RELN: variants seen among roughly 807,000 people sequenced by gnomAD.
RELN encodes the protein reelin.
RELN carries 108 observed loss-of-function variants against 427.6 expected under a neutral mutation model. The observed-to-expected ratio is 0.25, with a 90% CI of 0.22 to 0.30. The LOEUF is 0.30. Among genes scored for constraint, RELN ranks in the 10% least tolerant of loss-of-function variants. RELN has a pLI of 1.00. For missense variants in RELN, 3,715 were observed against 4,302.8 expected, an observed-to-expected ratio of 0.86 and a Z score of 3.82; for synonymous variants, 1,524 against 1,513.4, an observed-to-expected ratio of 1.01 and a Z score of -0.16.
Position 103,563,520 on chromosome 7 carries a change from A to T in RELN, c.5211-1567T>A, listed in dbSNP as rs954478299. Among the ~76,000 whole-genome samples the T allele has an allele frequency of 2.0e-5, 3 of 152,226 alleles. No homozygotes were observed. Among genetic ancestry groups the T allele is most frequent in the East Asian group, 1.9e-4 (1 of 5,206 alleles). On this transcript the variant is annotated intron_variant, in intron 34 of 64. Coordinates refer to ENST00000428762, the MANE Select transcript of RELN (RefSeq NM_005045.4). The surrounding 1 kb of genome is among the most constrained non-coding windows in gnomAD (Gnocchi z 4.1). ...GTTATCACAAGAGTCCAAAAGTTTTAAAAAAAGTTTATATAATGGAAAAGT... is the reference window on the plus strand; with the variant it reads ...GTTATCACAAGAGTCCAAAAGTTTTTAAAAAAGTTTATATAATGGAAAAGT...
At chr7:103,512,798 T>C (rs751190534) in intron 50 of RELN, 1 of 152,264 alleles carries the variant, frequency 6.6e-6, no homozygotes, top group South Asian at 2.1e-4. Flanking sequence ...GTCTTCTGGC[T>C]AGTCCCAGCA....
intron 1 of RELN, among the ~76,000 whole-genome samples, chr7:103,974,615 G>A (rs1485683528): frequency 2.6e-5 from 4 of 152,240 alleles, no homozygotes; most frequent in Non-Finnish European, 4.4e-5. Flanking sequence ...GTAATTTAAT[G>A]AAGATGCAGA....
In RELN at chr7:103,919,330, CAT is replaced by C. The variant is rs201167190; in HGVS notation, c.227-2147_227-2146del. The stretch of plus-strand genomic sequence containing the variant: ...ACCATTTCAGAATGTCTGCAGCCCA[CAT>C]GTTTTCACTGACTGGAACACTGGTG... On this transcript the variant is annotated intron_variant, in intron 1 of 64. Coordinates refer to ENST00000428762, the MANE Select transcript of RELN (RefSeq NM_005045.4). 9.0e-3 allele frequency among the ~76,000 whole-genome samples: 1,363 copies of C among 152,116 alleles called. 15 individuals are homozygous for C. The highest frequency in any genetic ancestry group is 0.03 in the African/African-American group (1,261 of 41,492).
At chr7:103,517,483 A>G (rs1012378187) in intron 49 of RELN, among the ~76,000 whole-genome samples, 1 of 152,200 alleles carries the variant, frequency 6.6e-6, no homozygotes, top group Non-Finnish European at 1.5e-5. Flanking sequence ...ATTCCCCTTC[A>G]GAGAACTAAA....
chr7:103,722,104 T>A (rs1217461181), intron 8 of RELN, among the ~76,000 whole-genome samples: 1 of 152,162 alleles, frequency 6.6e-6, no homozygotes, highest in Non-Finnish European at 1.5e-5. Flanking sequence ...GGTAATACTG[T>A]CAACTGGAGA....
At chr7:103,785,303 C>T (rs1447789618) in intron 3 of RELN, among the ~76,000 whole-genome samples, 1 of 152,054 alleles carries the variant, frequency 6.6e-6, no homozygotes, top group Non-Finnish European at 1.5e-5. Context: ...GTCTCAGAGG[C>T]ATTCTTAGGC....
At chr7:103,761,637 G>C (rs1023366221) in intron 4 of RELN, among the ~76,000 whole-genome samples, 1 of 151,610 alleles carries the variant, frequency 6.6e-6, no homozygotes, top group Non-Finnish European at 1.5e-5. Flanking sequence ...TTGGGGGGGG[G>C]TAGAGACAAG....
At position 103,626,283 on chromosome 7, in the gene RELN, C is replaced by T. The variant is rs1209708680; in HGVS notation, c.2702+3657G>A. Among the ~76,000 whole-genome samples, 1 of 152,044 alleles carries T rather than the reference C, an allele frequency of 6.6e-6. No homozygotes were observed. Among genetic ancestry groups the T allele is most frequent in the Non-Finnish European group, 1.5e-5 (1 of 67,966 alleles). Reference sequence around the variant, plus strand: ...TACGACCTCAAAGCCTATGTTTCTACCACACCATATTTCCTAAAAACAATT... The same window carrying T: ...TACGACCTCAAAGCCTATGTTTCTATCACACCATATTTCCTAAAAACAATT... On this transcript the variant is annotated intron_variant, in intron 20 of 64. Coordinates refer to ENST00000428762, the MANE Select transcript of RELN (RefSeq NM_005045.4). This position sits in a 1 kb window ranked among gnomAD's most constrained non-coding sequence, Gnocchi z 4.4.
Position 103,824,625 on chromosome 7 carries a change from AGAGT to A in RELN, c.473+8908_473+8911del, listed in dbSNP as rs1454202969. 2.4e-5 allele frequency among the ~76,000 whole-genome samples: 2 copies of A among 81,812 alleles called. No homozygotes were observed. Among genetic ancestry groups the A allele is most frequent in the Non-Finnish European group, 4.6e-5 (2 of 43,160 alleles). 53.7% of individuals were successfully genotyped at this position (81,812 alleles called of 152,430 possible). A position where few individuals can be genotyped will look rare whatever the true frequency, so the allele number is the denominator to read the frequency against. ...CAGTGTTTTCACTTTCTTTCAAAAC[AGAGT>A]GTGTGTGTGTGTGTGTGTGTGTGTG... On this transcript the variant is annotated intron_variant, in intron 3 of 64. Coordinates refer to ENST00000428762, the MANE Select transcript of RELN (RefSeq NM_005045.4). The surrounding 1 kb of genome is among the most constrained non-coding windows in gnomAD (Gnocchi z 4.4).
In RELN at chr7:103,965,514, T is replaced by C. The variant is rs543061249; in HGVS notation, c.226+23617A>G. On this transcript the variant is annotated intron_variant, in intron 1 of 64. Transcript: ENST00000428762. The stretch of plus-strand genomic sequence containing the variant: ...ATCATGTCTTTGAATGGAAACAATA[T>C]AATGAAACCATCATTTTTATATATT... Among the ~76,000 whole-genome samples the C allele has an allele frequency of 6.6e-5, 10 of 152,308 alleles. No individual in the cohort carries two copies. In the South Asian group the frequency reaches 2.1e-3, roughly 32 times the overall value.
intron 8 of RELN, among the ~76,000 whole-genome samples, chr7:103,708,782 C>CT (rs1377824789): frequency 1.1e-4 from 17 of 152,126 alleles, no homozygotes; most frequent in Admixed American, 9.2e-4. Flanking sequence ...GCTGGGTTAA[C>CT]TCTCTTACAC....
Position 103,674,513 on chromosome 7 carries a change from T to C in RELN, c.1289+7603A>G, listed in dbSNP as rs116078596. Among the ~76,000 whole-genome samples, 1,273 of 152,278 alleles carry C rather than the reference T, an allele frequency of 8.4e-3. 20 individuals carry two copies. Among genetic ancestry groups the C allele is most frequent in the African/African-American group, 0.029 (1,206 of 41,556 alleles). On this transcript the variant is annotated intron_variant, in intron 11 of 64. Coordinates refer to ENST00000428762, the MANE Select transcript of RELN (RefSeq NM_005045.4). ...TTTCAGTGGAAAAAAGCCCACTGACTGGGAGCAGATGTGCCCTTGGGTGAG... is the reference window on the plus strand; with the variant it reads ...TTTCAGTGGAAAAAAGCCCACTGACCGGGAGCAGATGTGCCCTTGGGTGAG...
Position 103,490,826 on chromosome 7 carries a change from C to T in RELN, c.9447G>A (p.Ser3149=), listed in dbSNP as rs770503009. 28 of 1,613,958 alleles carry T rather than the reference C, an allele frequency of 1.7e-5. No homozygotes were observed. Among genetic ancestry groups the T allele is most frequent in the South Asian group, 1.1e-4 (10 of 91,062 alleles). ...GGGTCTGTACGAGCTGCCAGGAATC[C>T]GATCTGCAGAAACCAAAAGGCTTTG... ...VMLEYTKDAR[S]DSWQLVQTQC... The change falls in exon 59 of 65, where the codon TCG becomes TCA. Residue 3149 remains serine (S), a synonymous_variant. Coordinates refer to ENST00000428762, the MANE Select transcript of RELN (RefSeq NM_005045.4).
At position 103,565,362 on chromosome 7, in the gene RELN, A is replaced by G. The variant is rs772986663; in HGVS notation, c.5126T>C (p.Leu1709Pro). Reference sequence around the variant, plus strand: ...GTAAATTGAACTTTCCGTGTAATGCAGACAGCCAATGGTTGGAGGAACACA... The same window carrying G: ...GTAAATTGAACTTTCCGTGTAATGCGGACAGCCAATGGTTGGAGGAACACA... ...EECVPPTIGC[L>P]HYTESSIYTS... is the part of the protein sequence containing the mutation. Residue 1709 changes from leucine (L) to proline (P), a missense_variant, in exon 34 of 65, where the codon CTG becomes CCG. Leu to Pro is a moderately conservative substitution (Grantham distance 98). Transcript: ENST00000428762. 3 of 1,614,132 alleles carry G rather than the reference A, an allele frequency of 1.9e-6. No individual in the cohort carries two copies. The highest frequency in any genetic ancestry group is 2.5e-6 in the Non-Finnish European group (3 of 1,179,990).
intron 61 of RELN, among the ~76,000 whole-genome samples, chr7:103,484,773 G>A (rs1040599921): frequency 3.3e-5 from 5 of 152,158 alleles, no homozygotes; most frequent in African/African-American, 1.2e-4. Flanking sequence ...TGAGGACATG[G>A]AGAGGACATG....
chr7:103,954,947 C>G (rs935705280), intron 1 of RELN, among the ~76,000 whole-genome samples: 1 of 152,082 alleles, frequency 6.6e-6, no homozygotes, highest in East Asian at 1.9e-4. Context: ...AAAATAAAAG[C>G]CTTTTTAGCT....
chr7:103,833,487 G>A, intron 3 of RELN, 50 bp downstream of exon 3: 1 of 1,512,964 alleles, frequency 6.6e-7, no homozygotes, highest in Non-Finnish European at 9.2e-7. Context: ...CCCATGAGAA[G>A]TCCTAAGTAT....
At chr7:103,632,589 G>T (rs1832493673) in intron 19 of RELN, among the ~76,000 whole-genome samples, 1 of 152,204 alleles carries the variant, frequency 6.6e-6, no homozygotes, top group South Asian at 2.1e-4. Context: ...ACCACTCTTT[G>T]CAAGTTATAG....
At chr7:103,925,248 A>G (rs948512240) in intron 1 of RELN, among the ~76,000 whole-genome samples, 1 of 152,194 alleles carries the variant, frequency 6.6e-6, no homozygotes, top group Non-Finnish European at 1.5e-5. Context: ...GAATTAAAAT[A>G]TAATTTTACA....
Sources: gnomAD v4.1 joint callset for allele counts (sites outside exome capture counted in the v4.1 genomes callset) on GRCh38, gnomAD v4.1.1 for gene constraint, Gnocchi (gnomAD v3.1) non-coding constraint, MANE v1.5 for transcripts, NCBI Gene and HGNC (gene_info 2026-07-23, HGNC 2026-07-21) for gene names.